Variants in CSMD1 observed in about 807,000 individuals in gnomAD.
The protein encoded by CSMD1 is CUB and Sushi multiple domains 1, also known as CUB and sushi domain-containing protein 1.
Under a neutral mutation model 417.5 loss-of-function variants are expected in CSMD1, and 213 were observed. The observed-to-expected ratio is 0.51, with a 90% CI of 0.46 to 0.57. The LOEUF (loss-of-function observed/expected upper bound fraction) is 0.57. Ranked by LOEUF, CSMD1 falls within the 20% of genes least tolerant of loss-of-function variation. The pLI, the probability that CSMD1 is intolerant of heterozygous loss-of-function variation, is 0.00. For missense variants in CSMD1, 6,923 were observed against 4,529.7 expected (o/e 1.53, Z -15.17); for synonymous variants, 2,862 against 1,736.8 (o/e 1.65, Z -16.11).
chr8:4,308,405 G>A (rs12549529), intron 3 of CSMD1, among the ~76,000 whole-genome samples: 56,449 of 151,894 alleles, frequency 0.37, 11,742 homozygotes, highest in African/African-American at 0.56. Flanking sequence ...TCGTGCATGT[G>A]TGTGTGTGTT....
intron 22 of CSMD1, 81 bp from the exon 23 acceptor site, chr8:3,343,531 TTCAAA>T: frequency 8.0e-7 from 1 of 1,253,184 alleles, no homozygotes; most frequent in Non-Finnish European, 1.1e-6. Flanking sequence ...AATCCAAATC[TTCAAA>T]GATGCAGTTT....
At chr8:3,695,026 G>T (rs573550067) in intron 7 of CSMD1, among the ~76,000 whole-genome samples, 21 of 151,866 alleles carry the variant, frequency 1.4e-4, no homozygotes, top group Admixed American at 7.2e-4. Flanking sequence ...ACATGAAAGG[G>T]AATTTGGAAG....
chr8:4,401,108 T>C (rs1255396008), intron 3 of CSMD1, among the ~76,000 whole-genome samples: 4 of 152,164 alleles, frequency 2.6e-5, no homozygotes, highest in African/African-American at 7.2e-5. Flanking sequence ...AAGATAACCT[T>C]CTTCAGCTCC....
chr8:3,944,204 A>G (rs575000015), intron 5 of CSMD1, among the ~76,000 whole-genome samples: 1 of 152,302 alleles, frequency 6.6e-6, no homozygotes, highest in African/African-American at 2.4e-5. Flanking sequence ...GTTTGAAAAT[A>G]AAAAGTTAAG....
chr8:4,650,406 G>A (rs78091920), intron 1 of CSMD1, among the ~76,000 whole-genome samples: 4,715 of 148,086 alleles, frequency 0.032, 102 homozygotes, highest in Non-Finnish European at 0.046. Context: ...TAACGGATTT[G>A]CCACTGTAAT....
intron 5 of CSMD1, among the ~76,000 whole-genome samples, chr8:3,913,315 G>T (rs375951821): frequency 4.6e-5 from 7 of 152,110 alleles, no homozygotes; most frequent in African/African-American, 1.7e-4. Flanking sequence ...CCATCGACCT[G>T]CTCAGGAGTG....
At chr8:3,157,759 G>T in intron 39 of CSMD1, 138 bp downstream of exon 39, 1 of 678,610 alleles carries the variant, frequency 1.5e-6, no homozygotes, top group Non-Finnish European at 2.6e-6. Flanking sequence ...CTGCTCTACT[G>T]CATTATGTGC....
intron 21 of CSMD1, among the ~76,000 whole-genome samples, chr8:3,357,406 C>T (rs530712230): frequency 1.3e-5 from 2 of 152,194 alleles, no homozygotes; most frequent in Non-Finnish European, 2.9e-5. Flanking sequence ...GTAGAATTGT[C>T]ATGGGACTAA....
intron 1 of CSMD1, among the ~76,000 whole-genome samples, chr8:4,715,524 C>G (rs1368684026): frequency 6.6e-6 from 1 of 152,158 alleles, no homozygotes; most frequent in African/African-American, 2.4e-5. Flanking sequence ...GATCAGACTT[C>G]CCCTTTTAAT....
intron 1 of CSMD1, among the ~76,000 whole-genome samples, chr8:4,976,815 A>G (rs1401703972): frequency 2.0e-5 from 3 of 152,142 alleles, no homozygotes; most frequent in African/African-American, 7.2e-5. Context: ...TGATATTTTT[A>G]TTAAATATTC....
intron 37 of CSMD1, among the ~76,000 whole-genome samples, chr8:3,180,652 T>C (rs1345609541): frequency 6.6e-6 from 1 of 152,184 alleles, no homozygotes; most frequent in African/African-American, 2.4e-5. Context: ...TTGTTTGTTT[T>C]TGAAACGGCA....
At chr8:4,066,319 T>A (rs1020052941) in intron 3 of CSMD1, among the ~76,000 whole-genome samples, 18 of 152,302 alleles carry the variant, frequency 1.2e-4, no homozygotes, top group African/African-American at 4.3e-4. Flanking sequence ...CTCTTAAAGG[T>A]GTTCTGCTGC....
chr8:3,755,801 T>G (rs528918214), intron 5 of CSMD1, among the ~76,000 whole-genome samples: 4 of 152,126 alleles, frequency 2.6e-5, no homozygotes, highest in Non-Finnish European at 5.9e-5. Context: ...TGCCACTGTT[T>G]GAAATAATCT....
At chr8:4,753,848 T>A (rs564434158) in intron 1 of CSMD1, among the ~76,000 whole-genome samples, 1 of 152,202 alleles carries the variant, frequency 6.6e-6, no homozygotes, top group African/African-American at 2.4e-5. Flanking sequence ...ACTGTGATAA[T>A]TGAACTAGAT....
At chr8:3,300,255 C>T (rs992504928) in intron 25 of CSMD1, among the ~76,000 whole-genome samples, 1 of 152,130 alleles carries the variant, frequency 6.6e-6, no homozygotes, top group Middle Eastern at 3.4e-3. Context: ...ATGAACATAT[C>T]ACATTTTATG....
rs185408923 is a variant in CSMD1 at position 4,532,005 on chromosome 8, T to A, written c.302+105337A>T. Reference sequence around the variant, plus strand: ...CGAAAGAGAAATCCTGCACCCCCATTCAGTCACTCCGGAAGAGAAATCCTG... The same window carrying A: ...CGAAAGAGAAATCCTGCACCCCCATACAGTCACTCCGGAAGAGAAATCCTG... On this transcript the variant is annotated intron_variant, in intron 2 of 69. Transcript: ENST00000635120. 1.5e-3 allele frequency among the ~76,000 whole-genome samples: 222 copies of A among 143,234 alleles called. 1 individual carries two copies. In the Middle Eastern group the frequency reaches 0.017, roughly 11 times the overall value. The allele number at this position is 143,234 out of a possible 152,430, so 94.0% of individuals were successfully genotyped here.
At chr8:4,463,681 A>G (rs547973202) in intron 2 of CSMD1, among the ~76,000 whole-genome samples, 7 of 152,218 alleles carry the variant, frequency 4.6e-5, no homozygotes, top group African/African-American at 1.7e-4. Context: ...CACTTACATT[A>G]AATGTCCAGA....
Position 4,364,824 on chromosome 8 carries a change from C to CAAAAAAAAAAAAAAAAAA in CSMD1, c.415+55111_415+55128dup, listed in dbSNP as rs60925117. Among the ~76,000 whole-genome samples the CAAAAAAAAAAAAAAAAAA allele has an allele frequency of 7.1e-5, 6 of 84,918 alleles. 3 individuals carry two copies. The highest frequency in any genetic ancestry group is 2.7e-4 in the Admixed American group (2 of 7,282). The allele number at this position is 84,918 out of a possible 152,430, so 55.7% of individuals were successfully genotyped here. A position where few individuals can be genotyped will look rare whatever the true frequency, so the allele number is the denominator to read the frequency against. On this transcript the variant is annotated intron_variant, in intron 3 of 69. Coordinates refer to ENST00000635120, the MANE Select transcript of CSMD1 (RefSeq NM_033225.6). ...TGCGCGACAGAGCGAGACTCCTTCTCAAAAAAAAAAAAAAAAAAAAAAAAA... is the reference window on the plus strand; with the variant it reads ...TGCGCGACAGAGCGAGACTCCTTCTCAAAAAAAAAAAAAAAAAAAAAAAAAAAAAAAAAAAAAAAAAAA...
intron 3 of CSMD1, among the ~76,000 whole-genome samples, chr8:4,040,444 G>C (rs780320908): frequency 2.6e-5 from 4 of 152,188 alleles, no homozygotes; most frequent in Non-Finnish European, 4.4e-5. Flanking sequence ...ACTGGTAGTA[G>C]AGCTTGCATA....
Sources: gnomAD v4.1 joint callset for allele counts (sites outside exome capture counted in the v4.1 genomes callset) on GRCh38, gnomAD v4.1.1 for gene constraint, MANE v1.5 for transcripts, NCBI Gene and HGNC (gene_info 2026-07-23, HGNC 2026-07-21) for gene names.